FARP1: variants seen among roughly 807,000 people sequenced by gnomAD.
FARP1 encodes the protein FERM, ARHGEF and pleckstrin domain-containing protein 1.
Under a neutral mutation model 128.8 loss-of-function variants are expected in FARP1, and 52 were observed. The ratio of observed to expected loss-of-function variants is 0.40; its 90% CI spans 0.32 to 0.51. The LOEUF (loss-of-function observed/expected upper bound fraction) is 0.51. Ranked by LOEUF, FARP1 falls within the 20% of genes least tolerant of loss-of-function variation. The probability of loss-of-function intolerance (pLI) is 0.45; values close to 1 mark genes in which losing one functional copy is unlikely to be tolerated. For synonymous variants in FARP1, 580 were observed against 551.8 expected (o/e 1.05, Z -0.72); for missense variants, 1,333 against 1,367.9 (o/e 0.97, Z 0.40).
intron 1 of FARP1, among the ~76,000 whole-genome samples, chr13:98,146,748 G>A (rs1019348363): frequency 1.3e-5 from 2 of 152,214 alleles, no homozygotes; most frequent in African/African-American, 4.8e-5. Flanking sequence ...GTTACCGTTT[G>A]CCTGGGAAGG....
At chr13:98,232,378 A>G (rs576711609) in intron 2 of FARP1, among the ~76,000 whole-genome samples, 2 of 151,242 alleles carry the variant, frequency 1.3e-5, no homozygotes, top group Admixed American at 6.6e-5. Flanking sequence ...ATGGGCACCA[A>G]TGTGCCTAGT....
At chr13:98,284,962 TGAAAGCCACACA>T (rs1480340046) in intron 2 of FARP1, among the ~76,000 whole-genome samples, 1 of 152,180 alleles carries the variant, frequency 6.6e-6, no homozygotes, top group Non-Finnish European at 1.5e-5. Flanking sequence ...CCCTTGGACC[TGAAAGCCACACA>T]GAGTCTGTCT....
intron 2 of FARP1, among the ~76,000 whole-genome samples, chr13:98,217,779 A>T (rs1881168642): frequency 6.6e-6 from 1 of 151,820 alleles, no homozygotes; most frequent in Non-Finnish European, 1.5e-5. Flanking sequence ...TAGAGTGGCC[A>T]CTCCTTGGAG....
chr13:98,278,253 TTG>T (rs59956398), intron 2 of FARP1, among the ~76,000 whole-genome samples: 12,641 of 151,408 alleles, frequency 0.083, 1,049 homozygotes, highest in African/African-American at 0.22. Context: ...TATGTGTGTG[TTG>T]TGTGTGTATG....
intron 2 of FARP1, among the ~76,000 whole-genome samples, chr13:98,228,892 T>C (rs1881948887): frequency 6.6e-6 from 1 of 152,244 alleles, no homozygotes; most frequent in Non-Finnish European, 1.5e-5. Context: ...CTTTATTTTC[T>C]AGTAGTTGCT....
In FARP1 at chr13:98,423,835, G is replaced by GT. The variant is rs370420567; in HGVS notation, c.1827-732dup. Among the ~76,000 whole-genome samples, 427 of 152,312 alleles carry GT rather than the reference G, an allele frequency of 2.8e-3. 2 individuals carry two copies. The highest frequency in any genetic ancestry group is 9.9e-3 in the African/African-American group (410 of 41,562). On this transcript the variant is annotated intron_variant, in intron 16 of 26. Coordinates refer to ENST00000319562, the MANE Select transcript of FARP1 (RefSeq NM_005766.4). ...TTAGTAAATACTCACTACCATCCAT[G>GT]TTTTTATATTTCTCTCTGCGTTGAT...
intron 2 of FARP1, among the ~76,000 whole-genome samples, chr13:98,338,068 T>C (rs1025190693): frequency 6.6e-6 from 1 of 152,218 alleles, no homozygotes; most frequent in Non-Finnish European, 1.5e-5. Flanking sequence ...CAGTTGTTTA[T>C]AGATGTGAGC....
chr13:98,179,012 C>G (rs934002376), intron 1 of FARP1, among the ~76,000 whole-genome samples: 2 of 152,142 alleles, frequency 1.3e-5, no homozygotes, highest in Non-Finnish European at 2.9e-5. Context: ...TTGTGTGATT[C>G]AGTTGGAACC....
chr13:98,236,027 TTTG>T (rs1427485045), intron 2 of FARP1, among the ~76,000 whole-genome samples: 1 of 152,150 alleles, frequency 6.6e-6, no homozygotes, highest in African/African-American at 2.4e-5. Flanking sequence ...TTTCTCCATG[TTTG>T]TCAGGCTGGT....
Position 98,274,700 on chromosome 13 carries a change from G to A in FARP1, c.171+61287G>A, listed in dbSNP as rs73558904. Among the ~76,000 whole-genome samples the A allele has an allele frequency of 7.5e-3, 1,136 of 152,094 alleles. 12 individuals are homozygous for A. Among genetic ancestry groups the A allele is most frequent in the African/African-American group, 0.025 (1,018 of 41,474 alleles). On this transcript the variant is annotated intron_variant, in intron 2 of 26. Transcript: ENST00000319562. ...CAGACTTCCTAAAATCAAAGTGACC[G>A]GATGGTCCCATTGAGAGGATTTCAG...
chr13:98,390,731 GA>G (rs1890274474), intron 10 of FARP1, 80 bp from the exon 11 acceptor site: 1 of 1,072,922 alleles, frequency 9.3e-7, no homozygotes, highest in Non-Finnish European at 1.4e-6. Context: ...GAGGGGAAGT[GA>G]AGCCCTGAAG....
chr13:98,342,453 C>A (rs1307539639), intron 2 of FARP1, among the ~76,000 whole-genome samples: 1 of 152,186 alleles, frequency 6.6e-6, no homozygotes, highest in Non-Finnish European at 1.5e-5. Context: ...AGTCCCAGCA[C>A]TTTGGGAGGC....
intron 16 of FARP1, among the ~76,000 whole-genome samples, chr13:98,416,986 G>A (rs779740275): frequency 1.3e-5 from 2 of 152,196 alleles, no homozygotes; most frequent in Non-Finnish European, 2.9e-5. Flanking sequence ...CGGGAGACTG[G>A]CTGGGAGGAC....
intron 2 of FARP1, among the ~76,000 whole-genome samples, chr13:98,224,380 A>G (rs1881613534): frequency 1.3e-5 from 2 of 151,602 alleles, no homozygotes; most frequent in Non-Finnish European, 2.9e-5. Context: ...ACAAAAAATT[A>G]GCTGGGCGTG....
intron 13 of FARP1, among the ~76,000 whole-genome samples, chr13:98,408,258 G>A (rs945419237): frequency 2.7e-5 from 4 of 150,374 alleles, no homozygotes; most frequent in African/African-American, 9.8e-5. Context: ...TTGCAAAAGT[G>A]TATTGGCAAA....
chr13:98,446,154 G>A lies in FARP1; in HGVS notation c.2853G>A (p.Lys951=), dbSNP rs1892821505. 2 of 1,614,140 alleles carry A rather than the reference G, an allele frequency of 1.2e-6. No individual in the cohort carries two copies. Among genetic ancestry groups the A allele is most frequent in the African/African-American group, 1.3e-5 (1 of 75,078 alleles). The change falls in exon 25 of 27, where the codon AAG becomes AAA. Residue 951 remains lysine (K), a synonymous_variant. Transcript: ENST00000319562. ...RKFKNSNGWQ[K]LWVVFTNFCL... ...TCAAAAACAGCAACGGGTGGCAGAA[G>A]CTGTGGGTGGTGTTCACAAACTTCT...
At chr13:98,295,701 C>A (rs1885655655) in intron 2 of FARP1, among the ~76,000 whole-genome samples, 1 of 152,110 alleles carries the variant, frequency 6.6e-6, no homozygotes, top group Non-Finnish European at 1.5e-5. Flanking sequence ...AGCCTAAAGA[C>A]TTACTCCAGA....
intron 2 of FARP1, among the ~76,000 whole-genome samples, chr13:98,294,615 T>G (rs1885582434): frequency 6.6e-6 from 1 of 152,182 alleles, no homozygotes; most frequent in African/African-American, 2.4e-5. Flanking sequence ...AAGGTAAATT[T>G]ACAGTATTAT....
intron 12 of FARP1, 97 bp from the exon 13 acceptor site, chr13:98,395,130 G>T (rs935439290): frequency 7.0e-7 from 1 of 1,436,530 alleles, no homozygotes; most frequent in South Asian, 1.5e-5. Context: ...CAGAGGCCTC[G>T]GGTGTTCTTG....
Sources: allele counts gnomAD v4.1 joint callset (sites outside exome capture counted in the v4.1 genomes callset), GRCh38; gene constraint gnomAD v4.1.1; transcripts MANE v1.5; gene names NCBI Gene and HGNC (gene_info 2026-07-23, HGNC 2026-07-21).